Variants in ELK3 observed in about 807,000 individuals in gnomAD.
ELK3 encodes ETS domain-containing protein Elk-3.
In ELK3, 10 loss-of-function variants were observed where a neutral mutation model predicts 28.9. The ratio of observed to expected loss-of-function variants is 0.35; its 90% CI spans 0.21 to 0.59. ELK3 has a LOEUF of 0.59. Among genes scored for constraint, ELK3 ranks in the 20% least tolerant of loss-of-function variants. The pLI is 0.82. For missense variants in ELK3, 463 were observed against 517.3 expected (o/e 0.90, Z 1.02); for synonymous variants, 272 against 243.5 (o/e 1.12, Z -1.09).
In ELK3 at chr12:96,247,203, C is replaced by T. The variant is rs1193022558; in HGVS notation, c.471C>T (p.Ala157=). The change falls in exon 3 of 5, where the codon GCC becomes GCT. Residue 157 remains alanine (A), a synonymous_variant. Coordinates refer to ENST00000228741, the MANE Select transcript of ELK3 (RefSeq NM_005230.4). The surrounding 1 kb of genome is among the most constrained non-coding windows in gnomAD (Gnocchi z 5.5). ...TINSLQNPPD[A]FKAIKTEKLE... ...ATTCCCTGCAGAACCCACCAGACGC[C>T]TTCAAGGCCATCAAGACGGAGAAGC... is the stretch of plus-strand genomic sequence containing the variant. 7 of 1,614,208 alleles carry T rather than the reference C, an allele frequency of 4.3e-6. No individual in the cohort carries two copies. The highest frequency in any genetic ancestry group is 5.1e-6 in the Non-Finnish European group (6 of 1,180,038).
intron 2 of ELK3, among the ~76,000 whole-genome samples, chr12:96,225,968 A>G (rs1466319081): frequency 2.0e-5 from 3 of 152,082 alleles, no homozygotes; most frequent in Non-Finnish European, 2.9e-5. Flanking sequence ...CCCTGTCACA[A>G]CAAAGAATTA....
At chr12:96,226,533 T>C (rs180743736) in intron 2 of ELK3, among the ~76,000 whole-genome samples, 2 of 149,092 alleles carry the variant, frequency 1.3e-5, no homozygotes, top group African/African-American at 5.0e-5. Context: ...GATGTCCACA[T>C]GTCCACACAG....
At position 96,268,412 on chromosome 12, in the gene ELK3, CTGA is replaced by C. The variant is rs901812964; in HGVS notation, c.*1237_*1239del. ...GGAACCTCATCATCGTGGAACTGAA[CTGA>C]TGATAACTTGGAACACTCCAGTAAA... is the stretch of plus-strand genomic sequence containing the variant. On this transcript the variant is annotated 3_prime_UTR_variant, in exon 5 of 5. Transcript: ENST00000228741. The C allele has an allele frequency of 1.3e-5, 2 of 152,156 alleles. No homozygotes were observed. The highest frequency in any genetic ancestry group is 4.8e-5 in the African/African-American group (2 of 41,434). The allele number at this position is 152,156 out of a possible 1,614,324, so 9.4% of individuals were successfully genotyped here. A position where few individuals can be genotyped will look rare whatever the true frequency, so the allele number is the denominator to read the frequency against.
At chr12:96,210,246 G>GT (rs1951566865) in intron 1 of ELK3, among the ~76,000 whole-genome samples, 1 of 152,148 alleles carries the variant, frequency 6.6e-6, no homozygotes, top group Non-Finnish European at 1.5e-5. Flanking sequence ...GGAACAGCCT[G>GT]TTTTTTTCGG....
At chr12:96,257,633 T>C (rs1228451405) in intron 3 of ELK3, among the ~76,000 whole-genome samples, 7 of 152,214 alleles carry the variant, frequency 4.6e-5, no homozygotes, top group African/African-American at 1.7e-4. Context: ...ATGGATAAAC[T>C]AGGAGGCCTT....
intron 2 of ELK3, among the ~76,000 whole-genome samples, chr12:96,236,779 G>C (rs945719255): frequency 2.6e-5 from 4 of 152,226 alleles, no homozygotes; most frequent in African/African-American, 9.6e-5. Flanking sequence ...TCCCAGGGCT[G>C]CTGTAACAAA....
intron 1 of ELK3, among the ~76,000 whole-genome samples, chr12:96,208,155 G>A (rs755962446): frequency 3.9e-5 from 6 of 152,044 alleles, no homozygotes; most frequent in African/African-American, 7.2e-5. Flanking sequence ...AGCTCCTAGC[G>A]ATTCTCCTGC....
chr12:96,226,523 G>C (rs377682353), intron 2 of ELK3, among the ~76,000 whole-genome samples: 1 of 56,932 alleles, frequency 1.8e-5, no homozygotes, highest in Non-Finnish European at 3.5e-5. Context: ...TGCCCACACA[G>C]ATGTCCACAT....
At chr12:96,234,301 C>T (rs970330722) in intron 2 of ELK3, among the ~76,000 whole-genome samples, 8 of 152,234 alleles carry the variant, frequency 5.3e-5, no homozygotes, top group Non-Finnish European at 1.0e-4. Context: ...TGCTTCTGCG[C>T]CAGGGGCTCG....
chr12:96,269,615 A>G lies in ELK3; in HGVS notation c.*2435A>G, dbSNP rs1257208905. 6.6e-6 allele frequency: 1 copy of G among 152,202 alleles called. No individual in the cohort carries two copies. Among genetic ancestry groups the G allele is most frequent in the Non-Finnish European group, 1.5e-5 (1 of 68,036 alleles). The allele number at this position is 152,202 out of a possible 1,614,324, so 9.4% of individuals were successfully genotyped here. On this transcript the variant is annotated 3_prime_UTR_variant, in exon 5 of 5. Coordinates refer to ENST00000228741, the MANE Select transcript of ELK3 (RefSeq NM_005230.4). ...TTAGCAGAGGTATTTTACTCAGAAA[A>G]TAGGTTTCAAAGAACATTAATGACT... is the stretch of plus-strand genomic sequence containing the variant.
chr12:96,201,996 T>C (rs1001590212), intron 1 of ELK3, among the ~76,000 whole-genome samples: 11 of 152,152 alleles, frequency 7.2e-5, no homozygotes, highest in Admixed American at 1.3e-4. Flanking sequence ...GAGTTGGTGC[T>C]CTGTAGCACC....
chr12:96,232,989 A>G (rs1324070020), intron 2 of ELK3, among the ~76,000 whole-genome samples: 3 of 152,148 alleles, frequency 2.0e-5, no homozygotes, highest in Admixed American at 6.5e-5. Flanking sequence ...AAAAAGCAAG[A>G]GAGTGCTATG....
intron 1 of ELK3, among the ~76,000 whole-genome samples, chr12:96,222,611 C>T (rs1951670251): frequency 6.6e-6 from 1 of 152,168 alleles, no homozygotes; most frequent in Admixed American, 6.5e-5. Flanking sequence ...AATAATCCAG[C>T]AAAGTCCTTT....
chr12:96,260,866 C>G (rs975683044), intron 4 of ELK3, among the ~76,000 whole-genome samples: 1 of 152,150 alleles, frequency 6.6e-6, no homozygotes, highest in South Asian at 2.1e-4. Flanking sequence ...TCATCTAGCA[C>G]GTGGCACTTT....
In ELK3 at chr12:96,211,939, A is replaced by G. The variant is rs1344379711; in HGVS notation, c.-2-11626A>G. On this transcript the variant is annotated intron_variant, in intron 1 of 4. Transcript: ENST00000228741. Reference sequence around the variant, plus strand: ...AATCATTTTTCTGATCCAAATGACTACTGTTTAGGAGAATCTGCTTAGTAT... The same window carrying G: ...AATCATTTTTCTGATCCAAATGACTGCTGTTTAGGAGAATCTGCTTAGTAT... Among the ~76,000 whole-genome samples, 8 of 152,192 alleles carry G rather than the reference A, an allele frequency of 5.3e-5. No homozygotes were observed. The East Asian group carries it at 1.5e-3, about 29-fold the overall frequency.
In ELK3 at chr12:96,247,553, T is replaced by G. The variant is rs1209866331; in HGVS notation, c.821T>G (p.Leu274Trp). 1.2e-6 allele frequency: 2 copies of G among 1,614,008 alleles called. No homozygotes were observed. Among genetic ancestry groups the G allele is most frequent in the Non-Finnish European group, 1.7e-6 (2 of 1,180,036 alleles). Residue 274 changes from leucine (L) to tryptophan (W), a missense_variant, in exon 3 of 5, where the codon TTG (leucine) becomes TGG (tryptophan). Physicochemically the swap from Leu to Trp is moderately conservative, Grantham distance 61. Transcript: ENST00000228741. The surrounding 1 kb of genome is among the most constrained non-coding windows in gnomAD (Gnocchi z 5.5). ...CATGACTCCGATTCCCTGGAGCCCT[T>G]GAACCTGTCATCGGGCTCCAAGACC... ...ACHDSDSLEP[L>W]NLSSGSKTKS...
At position 96,267,534 on chromosome 12, in the gene ELK3, G is replaced by A. The variant is rs556778701; in HGVS notation, c.*354G>A. On this transcript the variant is annotated 3_prime_UTR_variant, in exon 5 of 5. Coordinates refer to ENST00000228741, the MANE Select transcript of ELK3 (RefSeq NM_005230.4). Reference sequence around the variant, plus strand: ...TCTTTAGTTCTGAGTATGCTAAACTGTGTGCTTATATAGACTATAACCAGT... The same window carrying A: ...TCTTTAGTTCTGAGTATGCTAAACTATGTGCTTATATAGACTATAACCAGT... 63 of 182,220 alleles carry A rather than the reference G, an allele frequency of 3.5e-4. No individual in the cohort carries two copies. Among genetic ancestry groups the A allele is most frequent in the African/African-American group, 1.5e-3 (62 of 42,134 alleles). The allele number at this position is 182,220 out of a possible 1,614,324, so 11.3% of individuals were successfully genotyped here. A position where few individuals can be genotyped will look rare whatever the true frequency, so the allele number is the denominator to read the frequency against.
intron 1 of ELK3, among the ~76,000 whole-genome samples, chr12:96,210,739 A>C (rs1392719857): frequency 6.6e-6 from 1 of 152,200 alleles, no homozygotes; most frequent in Non-Finnish European, 1.5e-5. Context: ...CTTTGAAAGG[A>C]GGGCACTGGT....
chr12:96,245,387 G>A (rs1951848691), intron 2 of ELK3, among the ~76,000 whole-genome samples: 2 of 152,160 alleles, frequency 1.3e-5, no homozygotes, highest in African/African-American at 2.4e-5. Context: ...CGATCTTGGT[G>A]GTTCTTGGGC....
Sources: allele counts gnomAD v4.1 joint callset (sites outside exome capture counted in the v4.1 genomes callset), GRCh38; gene constraint gnomAD v4.1.1; non-coding constraint Gnocchi (gnomAD v3.1); transcripts MANE v1.5; gene names NCBI Gene and HGNC (gene_info 2026-07-23, HGNC 2026-07-21).